The following SGK1 variants were observed in gnomAD, a reference collection of about 807,000 sequenced individuals.
The protein encoded by SGK1 is serine/threonine-protein kinase Sgk1.
SGK1 carries 26 observed loss-of-function variants against 64.2 expected under a neutral mutation model. That is an observed-to-expected ratio of 0.40 (90% CI 0.30 to 0.56). SGK1 has a LOEUF of 0.56. Among genes scored for constraint, SGK1 ranks in the 20% least tolerant of loss-of-function variants. SGK1 has a pLI of 0.38. For synonymous variants in SGK1, 265 were observed against 239.7 expected, an observed-to-expected ratio of 1.11 and a Z score of -0.98; for missense variants, 519 against 645.6, an observed-to-expected ratio of 0.80 and a Z score of 2.12.
intron 2 of SGK1, among the ~76,000 whole-genome samples, chr6:134,234,322 G>T (rs1776332317): frequency 6.6e-6 from 1 of 152,094 alleles, no homozygotes; most frequent in Non-Finnish European, 1.5e-5. Flanking sequence ...AGAATCGCTT[G>T]AACCCCAGAG....
chr6:134,294,911 A>C (rs1777322756), intron 1 of SGK1, among the ~76,000 whole-genome samples: 1 of 152,254 alleles, frequency 6.6e-6, no homozygotes, highest in African/African-American at 2.4e-5. Flanking sequence ...TGATGAGCAT[A>C]AACGATATGG....
At chr6:134,285,873 G>C (rs1389818729) in intron 1 of SGK1, among the ~76,000 whole-genome samples, 1 of 152,088 alleles carries the variant, frequency 6.6e-6, no homozygotes, top group African/African-American at 2.4e-5. Context: ...CAAATGTTAG[G>C]AACAACTGAC....
chr6:134,170,842 G>C lies in SGK1; in HGVS notation c.1397C>G (p.Pro466Arg), dbSNP rs1433736483. 1 of 1,604,218 alleles carries C rather than the reference G, an allele frequency of 6.2e-7. No homozygotes were observed. The highest frequency in any genetic ancestry group is 1.1e-5 in the South Asian group (1 of 90,872). Reference protein sequence around the residue: ...DDLINKKITPPFNPNVSGPND... With the variant: ...DDLINKKITPRFNPNVSGPND... The stretch of plus-strand genomic sequence containing the variant: ...GATACTCACCACATTTGGGTTAAAA[G>C]GGGGAGTAATCTTCTTATTAATGAG... Residue 466 changes from proline to arginine, a missense_variant, in exon 13 of 14, where the codon CCT becomes CGT. Physicochemically the swap from Pro to Arg is moderately radical, Grantham distance 103 (BLOSUM62 -2). This residue lies in a region of SGK1 where 278 missense variants were observed against 408.7 expected (regional missense o/e 0.68). Coordinates refer to ENST00000367858, the MANE Select transcript of SGK1 (RefSeq NM_001143676.3).
At chr6:134,224,116 T>C (rs946059734) in intron 2 of SGK1, among the ~76,000 whole-genome samples, 2 of 152,212 alleles carry the variant, frequency 1.3e-5, no homozygotes, top group Non-Finnish European at 2.9e-5. Context: ...ACCTGACAAA[T>C]ATGAAATGCA....
At chr6:134,287,434 G>A (rs1337731671) in intron 1 of SGK1, among the ~76,000 whole-genome samples, 3 of 148,142 alleles carry the variant, frequency 2.0e-5, no homozygotes, top group African/African-American at 7.4e-5. Flanking sequence ...TGTTTATATA[G>A]ATAAGAAGGC....
intron 4 of SGK1, 191 bp downstream of exon 4, chr6:134,174,320 C>T: frequency 3.3e-6 from 2 of 609,710 alleles, no homozygotes; most frequent in South Asian, 4.1e-5. Context: ...TATCTTACAT[C>T]TCCAGTTCAA....
intron 3 of SGK1, among the ~76,000 whole-genome samples, chr6:134,206,368 T>C (rs1336679638): frequency 4.5e-4 from 4 of 8,836 alleles, no homozygotes; most frequent in African/African-American, 1.5e-3. Context: ...TATATATATA[T>C]ATATATATAT....
intron 1 of SGK1, among the ~76,000 whole-genome samples, chr6:134,280,569 C>T (rs1175799787): frequency 1.3e-5 from 2 of 152,160 alleles, no homozygotes; most frequent in Non-Finnish European, 2.9e-5. Flanking sequence ...TGAGCCACCT[C>T]GCCTGGCCAA....
At chr6:134,267,407 C>T (rs1294459281) in intron 1 of SGK1, among the ~76,000 whole-genome samples, 2 of 152,204 alleles carry the variant, frequency 1.3e-5, no homozygotes, top group East Asian at 3.9e-4. Context: ...AAGCTATCCT[C>T]TCGCCTCAGC....
At chr6:134,266,295 C>A (rs1342151696) in intron 1 of SGK1, among the ~76,000 whole-genome samples, 1 of 151,798 alleles carries the variant, frequency 6.6e-6, no homozygotes, top group Non-Finnish European at 1.5e-5. Flanking sequence ...TATATGTACT[C>A]TTTTCAATAG....
At chr6:134,256,804 T>C (rs536290312) in intron 2 of SGK1, among the ~76,000 whole-genome samples, 2 of 152,320 alleles carry the variant, frequency 1.3e-5, no homozygotes, top group East Asian at 3.9e-4. Context: ...CTCCTCGGGA[T>C]ATCACAATAT....
intron 3 of SGK1, chr6:134,175,899 A>C: frequency 8.8e-7 from 1 of 1,132,500 alleles, no homozygotes; most frequent in Non-Finnish European, 1.1e-6. Flanking sequence ...AAGGAAAGAA[A>C]GAGGGAAAAG....
chr6:134,234,247 C>CA (rs1008268514), intron 2 of SGK1, among the ~76,000 whole-genome samples: 1 of 151,700 alleles, frequency 6.6e-6, no homozygotes, highest in Non-Finnish European at 1.5e-5. Context: ...ACTAAAAATA[C>CA]AAAAAATTAG....
intron 2 of SGK1, among the ~76,000 whole-genome samples, chr6:134,221,150 A>G (rs1183821786): frequency 6.6e-6 from 1 of 151,898 alleles, no homozygotes; most frequent in African/African-American, 2.4e-5. Flanking sequence ...CTAAAAACAC[A>G]AATATTAGCT....
At chr6:134,296,001 A>T (rs1258597204) in intron 1 of SGK1, among the ~76,000 whole-genome samples, 1 of 152,248 alleles carries the variant, frequency 6.6e-6, no homozygotes, top group South Asian at 2.1e-4. Flanking sequence ...AATTTTCTCA[A>T]GTTCCTGCTG....
chr6:134,186,313 T>C (rs1775422587), intron 3 of SGK1, among the ~76,000 whole-genome samples: 1 of 152,228 alleles, frequency 6.6e-6, no homozygotes, highest in Non-Finnish European at 1.5e-5. Context: ...ATGTTTACTC[T>C]TCTGCTGATA....
intron 2 of SGK1, among the ~76,000 whole-genome samples, chr6:134,231,639 G>T (rs1287844245): frequency 6.6e-6 from 1 of 152,154 alleles, no homozygotes; most frequent in Non-Finnish European, 1.5e-5. Context: ...TATGCACAAA[G>T]CCATCTTGAC....
chr6:134,178,614 C>T (rs997240202), intron 3 of SGK1, among the ~76,000 whole-genome samples: 8 of 152,320 alleles, frequency 5.3e-5, no homozygotes, highest in African/African-American at 1.9e-4. Context: ...GCGAAGTGGT[C>T]CGAGTAGCCT....
intron 3 of SGK1, among the ~76,000 whole-genome samples, chr6:134,182,672 T>C (rs1205271367): frequency 6.6e-6 from 1 of 152,074 alleles, no homozygotes; most frequent in Non-Finnish European, 1.5e-5. Context: ...ATCAAGTAAT[T>C]ATGGGCTGTG....
Sources: gnomAD v4.1 joint callset for allele counts (sites outside exome capture counted in the v4.1 genomes callset) on GRCh38, gnomAD v4.1.1 for gene constraint, gnomAD v4.1.1 regional missense constraint, MANE v1.5 for transcripts, NCBI Gene and HGNC (gene_info 2026-07-23, HGNC 2026-07-21) for gene names.